Variants in SHQ1 observed in about 807,000 individuals in gnomAD.
The protein encoded by SHQ1 is SHQ1, H/ACA ribonucleoprotein assembly factor.
SHQ1 carries 49 observed loss-of-function variants against 53.8 expected under a neutral mutation model. The observed-to-expected ratio is 0.91, with a 90% confidence interval of 0.72 to 1.16. The LOEUF (loss-of-function observed/expected upper bound fraction) is 1.16, where lower values mean the gene tolerates loss of function less well. Among genes scored for constraint, SHQ1 ranks in the 50% most tolerant of loss-of-function variants. SHQ1 has a pLI of 0.00. For synonymous variants in SHQ1, 243 were observed against 251.0 expected (o/e 0.97, Z 0.30); for missense variants, 738 against 683.1 (o/e 1.08, Z -0.90).
chr3:72,815,232 A>G, intron 8 of SHQ1, 118 bp downstream of exon 8: 1 of 797,332 alleles, frequency 1.3e-6, no homozygotes, highest in East Asian at 2.5e-5. Flanking sequence ...TACTTGTACA[A>G]TAGAGCTTCT....
chr3:72,729,528 T>G, the SHQ1 span, among the ~76,000 whole-genome samples: 1 of 152,170 alleles, frequency 6.6e-6, no homozygotes, highest in Non-Finnish European at 1.5e-5. Flanking sequence ...AGGCATTGGC[T>G]CGAAATAAAG....
chr3:72,844,742 T>TGCTCCAAAATCTGAAAC (rs1425168395), intron 1 of SHQ1, among the ~76,000 whole-genome samples: 1 of 152,160 alleles, frequency 6.6e-6, no homozygotes, highest in Non-Finnish European at 1.5e-5. Flanking sequence ...AAATCTGAAA[T>TGCTCCAAAATCTGAAAC]GCTCCAAAAT....
intron 8 of SHQ1, among the ~76,000 whole-genome samples, chr3:72,815,105 C>T (rs1055126000): frequency 3.3e-5 from 5 of 152,112 alleles, no homozygotes; most frequent in Non-Finnish European, 7.3e-5. Flanking sequence ...TCTGCCCCCA[C>T]ATTCTTTCCC....
At chr3:72,763,060 C>CTG (rs1253775565) in intron 10 of SHQ1, among the ~76,000 whole-genome samples, 781 of 77,514 alleles carry the variant, frequency 0.01, 5 homozygotes, top group African/African-American at 0.032. Context: ...CACACACACA[C>CTG]ACAGAGAGAG....
chr3:72,791,974 T>C (rs1706452854), intron 10 of SHQ1, among the ~76,000 whole-genome samples: 1 of 152,256 alleles, frequency 6.6e-6, no homozygotes, highest in Non-Finnish European at 1.5e-5. Flanking sequence ...ATGTAATCGT[T>C]AATCTACTAT....
chr3:72,805,408 C>T (rs982409704), intron 9 of SHQ1, among the ~76,000 whole-genome samples: 1 of 152,072 alleles, frequency 6.6e-6, no homozygotes, highest in Non-Finnish European at 1.5e-5. Context: ...CTCTTTGTTC[C>T]CCCAAAGTTG....
chr3:72,805,978 T>C (rs945217267), intron 9 of SHQ1, among the ~76,000 whole-genome samples: 2 of 152,176 alleles, frequency 1.3e-5, no homozygotes, highest in Admixed American at 1.3e-4. Context: ...TTTAGAAGTA[T>C]TAGGGGGAAA....
chr3:72,773,036 T>A, intron 10 of SHQ1: 1 of 1,019,788 alleles, frequency 9.8e-7, no homozygotes, highest in Non-Finnish European at 1.5e-6. Context: ...TCTAATCCAA[T>A]CAAAGAAGAA....
Position 72,832,665 on chromosome 3 carries a change from T to A in SHQ1, c.487-184A>T, listed in dbSNP as rs3732627. Among the ~76,000 whole-genome samples, 56 of 152,360 alleles carry A rather than the reference T, an allele frequency of 3.7e-4. No homozygotes were observed. In the East Asian group the frequency reaches 0.01, roughly 28 times the overall value. On this transcript the variant is annotated intron_variant, in intron 4 of 10. Coordinates refer to ENST00000325599, the MANE Select transcript of SHQ1 (RefSeq NM_018130.3). Reference sequence around the variant, plus strand: ...AGCACCTACTACTTGGTAGGGCCTGTGAGATCTTTCTCATAAATTATCTCA... The same window carrying A: ...AGCACCTACTACTTGGTAGGGCCTGAGAGATCTTTCTCATAAATTATCTCA...
At chr3:72,838,869 G>A (rs1403986975) in intron 4 of SHQ1, among the ~76,000 whole-genome samples, 1 of 151,120 alleles carries the variant, frequency 6.6e-6, no homozygotes, top group Non-Finnish European at 1.5e-5. Flanking sequence ...ATTGGTTAAT[G>A]TTTAATGTTT....
intron 10 of SHQ1, among the ~76,000 whole-genome samples, chr3:72,751,505 T>TATATATATATA (rs1705373173): frequency 7.7e-6 from 1 of 130,426 alleles, no homozygotes; most frequent in Non-Finnish European, 1.5e-5. Context: ...TGTGTGTGTG[T>TATATATATATA]GTGTATATAT....
At chr3:72,812,509 A>G (rs576894774) in intron 9 of SHQ1, among the ~76,000 whole-genome samples, 162 bp downstream of exon 9, 8 of 152,286 alleles carry the variant, frequency 5.3e-5, no homozygotes, top group African/African-American at 9.6e-5. Flanking sequence ...ACTTATCTAC[A>G]TATGTCTTAT....
intron 5 of SHQ1, among the ~76,000 whole-genome samples, chr3:72,825,781 T>C (rs1398201941): frequency 6.6e-6 from 1 of 152,234 alleles, no homozygotes; most frequent in Admixed American, 6.5e-5. Context: ...TACAACCTTA[T>C]AGTTGTAAAC....
chr3:72,786,435 T>C (rs1223845602), intron 10 of SHQ1, among the ~76,000 whole-genome samples: 1 of 152,184 alleles, frequency 6.6e-6, no homozygotes, highest in Non-Finnish European at 1.5e-5. Flanking sequence ...CCTCACTTCT[T>C]TCCTATCCCT....
chr3:72,769,653 C>T (rs1216226600), intron 10 of SHQ1, among the ~76,000 whole-genome samples: 2 of 152,218 alleles, frequency 1.3e-5, no homozygotes, highest in Non-Finnish European at 2.9e-5. Context: ...CTGGCCTCCT[C>T]TTCTTTGAAT....
the SHQ1 span, among the ~76,000 whole-genome samples, chr3:72,726,449 C>G: frequency 6.6e-6 from 1 of 152,062 alleles, no homozygotes. Flanking sequence ...GCCTCCCAGG[C>G]TCAAGCAATT....
downstream of SHQ1, among the ~76,000 whole-genome samples, chr3:72,748,964 C>T (rs550033741): frequency 2.7e-3 from 344 of 128,900 alleles, 1 homozygote; most frequent in African/African-American, 0.012. Flanking sequence ...CAAACACACA[C>T]GCACACGCAC....
At chr3:72,803,309 C>T (rs1706847492) in intron 9 of SHQ1, among the ~76,000 whole-genome samples, 1 of 152,220 alleles carries the variant, frequency 6.6e-6, no homozygotes, top group South Asian at 2.1e-4. Flanking sequence ...CAGTAGGCTA[C>T]AGTCGAGCCA....
chr3:72,754,072 C>T (rs188964936), intron 10 of SHQ1, among the ~76,000 whole-genome samples: 2 of 152,266 alleles, frequency 1.3e-5, no homozygotes, highest in East Asian at 1.9e-4. Flanking sequence ...TTTTACTTTA[C>T]TGACTATATA....
Sources: allele counts gnomAD v4.1 joint callset (sites outside exome capture counted in the v4.1 genomes callset), GRCh38; gene constraint gnomAD v4.1.1; transcripts MANE v1.5; gene names NCBI Gene and HGNC (gene_info 2026-07-23, HGNC 2026-07-21).